NEK4: variants seen among roughly 807,000 people sequenced by gnomAD.
The protein encoded by NEK4 is serine/threonine-protein kinase Nek4.
NEK4 carries 86 observed loss-of-function variants against 98.4 expected under a neutral mutation model. The observed-to-expected ratio is 0.87, with a 90% confidence interval of 0.73 to 1.05. The LOEUF is 1.05. Among genes scored for constraint, NEK4 ranks in the 50% least tolerant of loss-of-function variants. The pLI, the probability that NEK4 is intolerant of heterozygous loss-of-function variation, is 0.00. For synonymous variants in NEK4, 328 were observed against 342.2 expected (o/e 0.96, Z 0.46); for missense variants, 898 against 950.3 (o/e 0.94, Z 0.72).
chr3:52,711,719 T>A lies in NEK4; in HGVS notation c.*58A>T, dbSNP rs2097350552. On this transcript the variant is annotated 3_prime_UTR_variant, in exon 16 of 16. Transcript: ENST00000233027. ...CAAATGACTGTTTGCCCTTGCTTTT[T>A]AAGCCAAAATCCTCTAAAAATAGGT... 8.9e-7 allele frequency: 1 copy of A among 1,128,002 alleles called. No individual in the cohort carries two copies. Among genetic ancestry groups the A allele is most frequent in the Non-Finnish European group, 1.3e-6 (1 of 746,462 alleles). The allele number at this position is 1,128,002 out of a possible 1,614,324, so 69.9% of individuals were successfully genotyped here.
intron 5 of NEK4, among the ~76,000 whole-genome samples, chr3:52,761,492 G>A (rs1310579945): frequency 6.6e-6 from 1 of 152,000 alleles, no homozygotes; most frequent in Non-Finnish European, 1.5e-5. Flanking sequence ...TGCCATGTTG[G>A]CCAGGCTGGT....
At chr3:52,731,187 T>C (rs532217051) in intron 15 of NEK4, among the ~76,000 whole-genome samples, 7 of 152,258 alleles carry the variant, frequency 4.6e-5, no homozygotes, top group African/African-American at 1.7e-4. Context: ...ACATGGAAAG[T>C]TGAATCCAAA....
chr3:52,770,849 C>T lies in NEK4; in HGVS notation c.-103G>A. On this transcript the variant is annotated 5_prime_UTR_variant, in exon 1 of 16. Coordinates refer to ENST00000233027, the MANE Select transcript of NEK4 (RefSeq NM_003157.6). Reference sequence around the variant, plus strand: ...CATGCCCGAGAGGGGGCAGTGGGGGCGGCTGTTGAGGCAGCCGGGCCCGGG... The same window carrying T: ...CATGCCCGAGAGGGGGCAGTGGGGGTGGCTGTTGAGGCAGCCGGGCCCGGG... The T allele has an allele frequency of 2.8e-6, 3 of 1,060,660 alleles. No individual in the cohort carries two copies. Among genetic ancestry groups the T allele is most frequent in the Non-Finnish European group, 2.8e-6 (2 of 718,788 alleles). 65.7% of individuals were successfully genotyped at this position (1,060,660 alleles called of 1,614,324 possible).
At chr3:52,748,778 G>A (rs894495672) in intron 8 of NEK4, among the ~76,000 whole-genome samples, 1 of 152,122 alleles carries the variant, frequency 6.6e-6, no homozygotes, top group African/African-American at 2.4e-5. Flanking sequence ...GACTATGTCT[G>A]ATGCATATTA....
chr3:52,721,312 C>T (rs1165865203), intron 15 of NEK4, among the ~76,000 whole-genome samples: 1 of 152,222 alleles, frequency 6.6e-6, no homozygotes, highest in Non-Finnish European at 1.5e-5. Context: ...GACACTGTTG[C>T]AAACCTCCCT....
chr3:52,761,745 A>T (rs150968855), intron 5 of NEK4, among the ~76,000 whole-genome samples: 3 of 152,208 alleles, frequency 2.0e-5, no homozygotes, highest in Non-Finnish European at 4.4e-5. Context: ...CCAAAATAAA[A>T]ATTCTATGGG....
intron 13 of NEK4, among the ~76,000 whole-genome samples, chr3:52,740,402 A>G (rs1443672152): frequency 2.0e-5 from 3 of 152,236 alleles, no homozygotes; most frequent in Non-Finnish European, 1.5e-5. Flanking sequence ...GATACAATAT[A>G]TTAAATACAC....
At chr3:52,761,014 G>T in intron 5 of NEK4, 78 bp from the exon 6 acceptor site, 1 of 893,370 alleles carries the variant, frequency 1.1e-6, no homozygotes, top group Non-Finnish European at 1.7e-6. Flanking sequence ...GGGAGTGTGT[G>T]TATACAATGA....
At position 52,747,813 on chromosome 3, in the gene NEK4, A is replaced by T. The variant is rs137891469; in HGVS notation, c.1507-909T>A. Among the ~76,000 whole-genome samples the T allele has an allele frequency of 6.8e-3, 1,032 of 151,134 alleles. 14 individuals carry two copies. Among genetic ancestry groups the T allele is most frequent in the African/African-American group, 0.024 (967 of 41,092 alleles). On this transcript the variant is annotated intron_variant, in intron 8 of 15. Transcript: ENST00000233027. ...AAAAAAAAAAAAGTCAGATGTAGTG[A>T]TATGCCAGGTAGTCACAGCTACCCA...
chr3:52,712,778 CAG>C (rs2097351677), intron 15 of NEK4, among the ~76,000 whole-genome samples: 1 of 152,168 alleles, frequency 6.6e-6, no homozygotes, highest in Non-Finnish European at 1.5e-5. Flanking sequence ...TGGCATCTGT[CAG>C]TGTGCTTTTC....
chr3:52,751,854 C>T (rs1029088033), intron 7 of NEK4, 78 bp downstream of exon 7: 2 of 1,355,530 alleles, frequency 1.5e-6, no homozygotes, highest in African/African-American at 1.5e-5. Flanking sequence ...CCTAAAATGA[C>T]AACAGAACCC....
chr3:52,742,745 TG>T (rs1267851170), intron 12 of NEK4, among the ~76,000 whole-genome samples: 1 of 152,222 alleles, frequency 6.6e-6, no homozygotes, highest in Non-Finnish European at 1.5e-5. Flanking sequence ...AGCAAAGTGC[TG>T]CCTAGTGCAA....
At chr3:52,743,234 A>T (rs2097389720) in intron 12 of NEK4, 118 bp downstream of exon 12, 1 of 714,144 alleles carries the variant, frequency 1.4e-6, no homozygotes. Context: ...AAGAGTGAAA[A>T]GATATAACAA....
In NEK4 at chr3:52,746,047, A is replaced by G. The variant is rs2097395489; in HGVS notation, c.1827+14T>C. On this transcript the variant is annotated intron_variant, in intron 10 of 15. Transcript: ENST00000233027. ...TATAAGGTTTTTAAAAATCCAGCAT[A>G]TGTTCCCACAAACCTTTGATGATGA... is the stretch of plus-strand genomic sequence containing the variant. The G allele has an allele frequency of 6.2e-7, 1 of 1,611,478 alleles. No individual in the cohort carries two copies. Among genetic ancestry groups the G allele is most frequent in the South Asian group, 1.1e-5 (1 of 90,458 alleles).
chr3:52,754,604 C>T (rs1014087418), intron 6 of NEK4: 5 of 999,650 alleles, frequency 5.0e-6, no homozygotes, highest in East Asian at 2.8e-5. Flanking sequence ...TGAAGAACAG[C>T]ACAATAAGTG....
intron 15 of NEK4, among the ~76,000 whole-genome samples, chr3:52,712,700 C>T (rs1250421547): frequency 2.0e-5 from 3 of 152,110 alleles, no homozygotes; most frequent in African/African-American, 4.8e-5. Context: ...CTCGGTGGAC[C>T]GGGTTCTCCC....
chr3:52,754,102 C>T (rs180798729), intron 6 of NEK4: 23 of 244,942 alleles, frequency 9.4e-5, no homozygotes, highest in Admixed American at 4.6e-4. Flanking sequence ...GCAGAGGTTG[C>T]GGTGAGCCAA....
At chr3:52,747,084 A>G (rs913730203) in intron 8 of NEK4, among the ~76,000 whole-genome samples, 180 bp from the exon 9 acceptor site, 10 of 152,184 alleles carry the variant, frequency 6.6e-5, no homozygotes, top group African/African-American at 2.4e-4. Flanking sequence ...GACCCATCAC[A>G]ATGTAAAGTT....
chr3:52,752,406 A>C, intron 6 of NEK4, 70 bp from the exon 7 acceptor site: 1 of 1,435,288 alleles, frequency 7.0e-7, no homozygotes. Flanking sequence ...CTCAAAATGC[A>C]ACAAGAGGTT....
Sources: gnomAD v4.1 joint callset for allele counts (sites outside exome capture counted in the v4.1 genomes callset) on GRCh38, gnomAD v4.1.1 for gene constraint, MANE v1.5 for transcripts, NCBI Gene and HGNC (gene_info 2026-07-23, HGNC 2026-07-21) for gene names.